Variants in CCSER1 observed in about 807,000 individuals in gnomAD.
CCSER1 encodes coiled-coil serine rich protein 1, also known as serine-rich coiled-coil domain-containing protein 1.
CCSER1 carries 41 observed loss-of-function variants against 82.0 expected under a neutral mutation model. The ratio of observed to expected loss-of-function variants is 0.50; its 90% CI spans 0.39 to 0.65. The LOEUF is 0.65. Ranked by LOEUF, CCSER1 falls within the 30% of genes least tolerant of loss-of-function variation. The pLI, the probability that CCSER1 is intolerant of heterozygous loss-of-function variation, is 0.00. For missense variants in CCSER1, 1,119 were observed against 1,064.2 expected (o/e 1.05, Z -0.72); for synonymous variants, 414 against 383.9 (o/e 1.08, Z -0.92).
At chr4:90,734,032 A>C (rs1187441933) in intron 7 of CCSER1, among the ~76,000 whole-genome samples, 1 of 151,862 alleles carries the variant, frequency 6.6e-6, no homozygotes, top group East Asian at 1.9e-4. Flanking sequence ...CAAATTTATA[A>C]ATTTTAGGAT....
At chr4:90,277,803 A>G (rs1203512973) in intron 1 of CCSER1, among the ~76,000 whole-genome samples, 1 of 152,152 alleles carries the variant, frequency 6.6e-6, no homozygotes, top group African/African-American at 2.4e-5. Context: ...TCAAAAGGCA[A>G]TTGCAACAAC....
At chr4:91,496,329 T>A (rs1406217671) in intron 10 of CCSER1, among the ~76,000 whole-genome samples, 2 of 151,000 alleles carry the variant, frequency 1.3e-5, no homozygotes, top group African/African-American at 4.8e-5. Flanking sequence ...TAAATTAAGT[T>A]AAACAAACAC....
At chr4:90,961,784 TAATAGGCTTC>T (rs927161968) in intron 9 of CCSER1, among the ~76,000 whole-genome samples, 9 of 152,172 alleles carry the variant, frequency 5.9e-5, no homozygotes, top group Admixed American at 3.9e-4. Flanking sequence ...ATAATATTCT[TAATAGGCTTC>T]AATGTCAATA....
chr4:91,401,508 C>T (rs1034282308), intron 10 of CCSER1, among the ~76,000 whole-genome samples: 2 of 151,852 alleles, frequency 1.3e-5, no homozygotes, highest in African/African-American at 2.4e-5. Flanking sequence ...ATTAACTCGT[C>T]ATTTAAATTA....
intron 5 of CCSER1, among the ~76,000 whole-genome samples, chr4:90,549,868 A>G (rs534986424): frequency 6.6e-6 from 1 of 152,088 alleles, no homozygotes; most frequent in African/African-American, 2.4e-5. Flanking sequence ...AGTACATAAT[A>G]AAAGGAAAAT....
intron 10 of CCSER1, among the ~76,000 whole-genome samples, chr4:91,286,850 T>G (rs548898798): frequency 2.6e-5 from 4 of 152,018 alleles, no homozygotes; most frequent in African/African-American, 9.6e-5. Flanking sequence ...AAAAATTAAA[T>G]GTAGGTCACA....
chr4:91,460,614 T>A (rs113693172), intron 10 of CCSER1, among the ~76,000 whole-genome samples: 1,559 of 152,292 alleles, frequency 0.01, 11 homozygotes, highest in Middle Eastern at 0.02. Flanking sequence ...TGTATTAACC[T>A]TATCCTTAAT....
At chr4:90,652,445 A>G (rs17017347) in intron 6 of CCSER1, among the ~76,000 whole-genome samples, 77,916 of 151,928 alleles carry the variant, frequency 0.51, 20,220 homozygotes, top group Middle Eastern at 0.67. Flanking sequence ...GAGTCAGAGA[A>G]TCAGTGGTCT....
At chr4:91,232,560 C>T (rs988939854) in intron 10 of CCSER1, among the ~76,000 whole-genome samples, 1 of 151,678 alleles carries the variant, frequency 6.6e-6, no homozygotes, top group Middle Eastern at 3.4e-3. Flanking sequence ...GAATATGAAA[C>T]GTTTGTGGCT....
intron 8 of CCSER1, among the ~76,000 whole-genome samples, chr4:90,923,111 T>C (rs1426384676): frequency 6.6e-6 from 1 of 152,158 alleles, no homozygotes; most frequent in Non-Finnish European, 1.5e-5. Context: ...TTTAAGCACA[T>C]TATGACTCTA....
intron 10 of CCSER1, among the ~76,000 whole-genome samples, chr4:91,583,546 T>C (rs1763835146): frequency 6.6e-6 from 1 of 151,446 alleles, no homozygotes; most frequent in South Asian, 2.1e-4. Flanking sequence ...GCAGATTTTC[T>C]ATAGAGTTCC....
At chr4:90,271,963 C>T (rs1029740237) in intron 1 of CCSER1, among the ~76,000 whole-genome samples, 13 of 141,986 alleles carry the variant, frequency 9.2e-5, no homozygotes, top group Non-Finnish European at 1.5e-4. Context: ...CATGGCAGAA[C>T]GGAAGCAGGC....
At position 91,520,428 on chromosome 4, in the gene CCSER1, C is replaced by G. The variant is rs532724955; in HGVS notation, c.2218-78144C>G. On this transcript the variant is annotated intron_variant, in intron 10 of 10. Transcript: ENST00000509176. ...AAAACTGTTTCAATATAGTTTTTTC[C>G]CTACCCTCCTTAGTGGTCTTTGTTG... Among the ~76,000 whole-genome samples the G allele has an allele frequency of 2.6e-5, 4 of 152,040 alleles. No individual in the cohort carries two copies. The East Asian group carries it at 5.8e-4, about 22-fold the overall frequency.
At position 91,142,666 on chromosome 4, in the gene CCSER1, A is replaced by G. The variant is rs148640860; in HGVS notation, c.2217+56672A>G. Among the ~76,000 whole-genome samples, 10 of 152,286 alleles carry G rather than the reference A, an allele frequency of 6.6e-5. No individual in the cohort carries two copies. The East Asian group carries it at 1.9e-3, about 29-fold the overall frequency. On this transcript the variant is annotated intron_variant, in intron 10 of 10. Transcript: ENST00000509176. Reference sequence around the variant, plus strand: ...TATGTACAAGTATACGAGAATTGAAAAGTAGGAGTTTAGTTTCTTTCTTCT... The same window carrying G: ...TATGTACAAGTATACGAGAATTGAAGAGTAGGAGTTTAGTTTCTTTCTTCT...
At chr4:90,569,875 CTGCTCCCACAGGA>C (rs1779900512) in intron 5 of CCSER1, among the ~76,000 whole-genome samples, 1 of 152,148 alleles carries the variant, frequency 6.6e-6, no homozygotes, top group Non-Finnish European at 1.5e-5. Context: ...ACCTGCCTGG[CTGCTCCCACAGGA>C]GAGTGCCTAC....
chr4:91,036,111 G>C (rs528624952), intron 9 of CCSER1, among the ~76,000 whole-genome samples: 3 of 152,300 alleles, frequency 2.0e-5, no homozygotes, highest in African/African-American at 7.2e-5. Flanking sequence ...AATAATCACT[G>C]ATATTTAGTG....
chr4:91,499,394 C>A (rs1406992942), intron 10 of CCSER1, among the ~76,000 whole-genome samples: 1 of 151,920 alleles, frequency 6.6e-6, no homozygotes, highest in Non-Finnish European at 1.5e-5. Flanking sequence ...AATCCCTGCC[C>A]CTACACGTGC....
chr4:90,735,712 G>T (rs1179948903), intron 7 of CCSER1, among the ~76,000 whole-genome samples: 1 of 151,760 alleles, frequency 6.6e-6, no homozygotes, highest in African/African-American at 2.4e-5. Context: ...TTCTTAGTCT[G>T]GCTAAAGGTT....
intron 4 of CCSER1, among the ~76,000 whole-genome samples, chr4:90,413,524 A>G (rs759349287): frequency 3.3e-5 from 5 of 152,192 alleles, no homozygotes; most frequent in East Asian, 3.9e-4. Context: ...CTGGAGGCAC[A>G]TTACCCAACT....
Sources: gnomAD v4.1 joint callset for allele counts (sites outside exome capture counted in the v4.1 genomes callset) on GRCh38, gnomAD v4.1.1 for gene constraint, MANE v1.5 for transcripts, NCBI Gene and HGNC (gene_info 2026-07-23, HGNC 2026-07-21) for gene names.